The following SPAG16 variants were observed in gnomAD, a reference collection of about 807,000 sequenced individuals.
The protein encoded by SPAG16 is sperm associated antigen 16.
In SPAG16, 86 loss-of-function variants were observed where a neutral mutation model predicts 80.4. The observed-to-expected ratio is 1.07, with a 90% CI of 0.90 to 1.28. SPAG16 has a LOEUF of 1.28. SPAG16 is among the 50% of genes most tolerant of loss of function. The pLI is 0.00. For synonymous variants in SPAG16, 294 were observed against 265.9 expected, an observed-to-expected ratio of 1.11 and a Z score of -1.03; for missense variants, 870 against 765.3, an observed-to-expected ratio of 1.14 and a Z score of -1.61.
intron 13 of SPAG16, among the ~76,000 whole-genome samples, chr2:214,017,301 G>A (rs1044246964): frequency 3.3e-5 from 5 of 152,100 alleles, no homozygotes; most frequent in African/African-American, 4.8e-5. Flanking sequence ...CTAATGGAGC[G>A]TCAATGGAAA....
At chr2:213,528,045 A>C (rs997594021) in intron 10 of SPAG16, among the ~76,000 whole-genome samples, 4 of 152,204 alleles carry the variant, frequency 2.6e-5, no homozygotes, top group Non-Finnish European at 5.9e-5. Context: ...TAAATATCAA[A>C]CAAGGTGGAT....
chr2:213,365,346 A>C (rs1450366199), intron 8 of SPAG16: 1 of 152,358 alleles, frequency 6.6e-6, no homozygotes, highest in East Asian at 1.9e-4. Context: ...TCAAGGACTT[A>C]ATGGAAAATA....
At chr2:213,622,213 C>A (rs957949105) in intron 10 of SPAG16, among the ~76,000 whole-genome samples, 5 of 152,124 alleles carry the variant, frequency 3.3e-5, no homozygotes, top group African/African-American at 1.2e-4. Flanking sequence ...GAAATTGACT[C>A]TTACGGTCTT....
intron 10 of SPAG16, among the ~76,000 whole-genome samples, chr2:213,641,932 A>G (rs2062607142): frequency 6.6e-6 from 1 of 152,220 alleles, no homozygotes; most frequent in Admixed American, 6.5e-5. Context: ...AGGAATTGTC[A>G]CATACTTGCA....
chr2:214,095,943 G>GTA (rs1378214209), intron 13 of SPAG16, among the ~76,000 whole-genome samples: 5 of 151,684 alleles, frequency 3.3e-5, no homozygotes, highest in African/African-American at 4.8e-5. Context: ...AATAATAATA[G>GTA]TATATATATC....
chr2:214,309,146 A>G (rs186221566), intron 15 of SPAG16, among the ~76,000 whole-genome samples: 29 of 152,102 alleles, frequency 1.9e-4, no homozygotes, highest in African/African-American at 7.0e-4. Context: ...CCAGGCTTCA[A>G]GCTTTGAGAT....
chr2:214,290,572 G>GT (rs1218902904), intron 15 of SPAG16, among the ~76,000 whole-genome samples: 3 of 152,022 alleles, frequency 2.0e-5, no homozygotes, highest in African/African-American at 7.2e-5. Context: ...GGGTATTTTT[G>GT]TATTTCCATT....
At chr2:213,374,492 T>C (rs1366550334) in intron 8 of SPAG16, among the ~76,000 whole-genome samples, 2 of 152,122 alleles carry the variant, frequency 1.3e-5, no homozygotes, top group Non-Finnish European at 2.9e-5. Flanking sequence ...TCTCAAATGA[T>C]TCCATTAAGA....
intron 10 of SPAG16, among the ~76,000 whole-genome samples, chr2:213,551,583 C>G (rs2076781639): frequency 6.6e-6 from 1 of 152,122 alleles, no homozygotes; most frequent in Non-Finnish European, 1.5e-5. Context: ...GGTTTCTATT[C>G]AGATCTTTAG....
chr2:213,511,045 T>C (rs1039833637), intron 10 of SPAG16, among the ~76,000 whole-genome samples: 1 of 152,168 alleles, frequency 6.6e-6, no homozygotes, highest in African/African-American at 2.4e-5. Context: ...AATATTAAAA[T>C]ATTAAAAATG....
intron 10 of SPAG16, among the ~76,000 whole-genome samples, chr2:213,771,030 A>G (rs1262882769): frequency 6.6e-6 from 1 of 152,182 alleles, no homozygotes; most frequent in Non-Finnish European, 1.5e-5. Flanking sequence ...GTCTATGAGG[A>G]ATCACCACTC....
At chr2:213,711,739 C>G (rs1242192631) in intron 10 of SPAG16, among the ~76,000 whole-genome samples, 1 of 151,894 alleles carries the variant, frequency 6.6e-6, no homozygotes, top group Non-Finnish European at 1.5e-5. Flanking sequence ...AGGGTGGTCT[C>G]GAACTCCTGA....
Position 213,833,563 on chromosome 2 carries a change from T to C in SPAG16, c.1071-28922T>C, listed in dbSNP as rs1282262282. Among the ~76,000 whole-genome samples, 2 of 23,638 alleles carry C rather than the reference T, an allele frequency of 8.5e-5. 1 individual carries two copies. The highest frequency in any genetic ancestry group is 3.1e-4 in the African/African-American group (2 of 6,352). 15.5% of individuals were successfully genotyped at this position (23,638 alleles called of 152,430 possible). A position where few individuals can be genotyped will look rare whatever the true frequency, so the allele number is the denominator to read the frequency against. On this transcript the variant is annotated intron_variant, in intron 10 of 15. Transcript: ENST00000331683. ...TAATATATATAATATATATAATATA[T>C]ATAATATATATATAATATATATATT...
intron 10 of SPAG16, among the ~76,000 whole-genome samples, chr2:213,594,981 A>G (rs1230460167): frequency 6.6e-6 from 1 of 152,088 alleles, no homozygotes; most frequent in Admixed American, 6.5e-5. Flanking sequence ...TTATGTATCT[A>G]CATTAGCTCA....
At chr2:214,055,238 C>G (rs1265979709) in intron 13 of SPAG16, among the ~76,000 whole-genome samples, 1 of 152,124 alleles carries the variant, frequency 6.6e-6, no homozygotes, top group African/African-American at 2.4e-5. Flanking sequence ...GAATTACCAA[C>G]TACATATTGA....
intron 5 of SPAG16, among the ~76,000 whole-genome samples, chr2:213,329,799 C>T (rs1000174676): frequency 1.3e-5 from 2 of 152,118 alleles, no homozygotes; most frequent in African/African-American, 4.8e-5. Context: ...CCATCACAAG[C>T]CCAGAGGCTT....
intron 11 of SPAG16, among the ~76,000 whole-genome samples, chr2:213,880,000 A>G (rs2076285084): frequency 6.6e-6 from 1 of 152,218 alleles, no homozygotes; most frequent in South Asian, 2.1e-4. Flanking sequence ...GTATATACCC[A>G]GTAATAAGAT....
intron 13 of SPAG16, among the ~76,000 whole-genome samples, chr2:214,096,045 T>C (rs940658654): frequency 3.9e-5 from 6 of 152,162 alleles, no homozygotes; most frequent in Admixed American, 3.3e-4. Context: ...GAATAATTAA[T>C]TGAATATATA....
intron 15 of SPAG16, among the ~76,000 whole-genome samples, chr2:214,276,755 G>A (rs1692495325): frequency 6.6e-6 from 1 of 152,092 alleles, no homozygotes; most frequent in Non-Finnish European, 1.5e-5. Context: ...TGGTGAATCT[G>A]ACAATTATGT....
Sources: allele counts gnomAD v4.1 joint callset (sites outside exome capture counted in the v4.1 genomes callset), GRCh38; gene constraint gnomAD v4.1.1; transcripts MANE v1.5; gene names NCBI Gene and HGNC (gene_info 2026-07-23, HGNC 2026-07-21).